R3HDM1: variants seen among roughly 807,000 people sequenced by gnomAD.
The protein encoded by R3HDM1 is R3H domain-containing protein 1.
Under a neutral mutation model 141.1 loss-of-function variants are expected in R3HDM1, and 46 were observed. The ratio of observed to expected loss-of-function variants is 0.33; its 90% CI spans 0.26 to 0.42. The LOEUF is 0.42. R3HDM1 is among the 10% of genes least tolerant of loss of function. The probability of loss-of-function intolerance (pLI) is 1.00; values close to 1 mark genes in which losing one functional copy is unlikely to be tolerated. For synonymous variants in R3HDM1, 435 were observed against 472.9 expected (o/e 0.92, Z 1.04); for missense variants, 1,184 against 1,368.3 (o/e 0.87, Z 2.12).
chr2:135,628,093 C>T (rs1251573080), intron 7 of R3HDM1, among the ~76,000 whole-genome samples: 1 of 152,142 alleles, frequency 6.6e-6, no homozygotes, highest in Admixed American at 6.5e-5. Context: ...GGTTTTGGCT[C>T]ACCTGCTAAA....
intron 21 of R3HDM1, among the ~76,000 whole-genome samples, chr2:135,704,919 C>G (rs2074706020): frequency 6.6e-6 from 1 of 152,122 alleles, no homozygotes; most frequent in Non-Finnish European, 1.5e-5. Context: ...TATTGCAGAA[C>G]ATTTAGGTCG....
At chr2:135,654,189 A>G (rs1261864145) in intron 18 of R3HDM1, among the ~76,000 whole-genome samples, 33 of 152,002 alleles carry the variant, frequency 2.2e-4, no homozygotes, top group Admixed American at 2.2e-3. Flanking sequence ...GGTTTTACCT[A>G]TTCTGAATAC....
intron 20 of R3HDM1, among the ~76,000 whole-genome samples, chr2:135,679,964 C>T (rs903813501): frequency 6.6e-6 from 1 of 152,146 alleles, no homozygotes; most frequent in Non-Finnish European, 1.5e-5. Flanking sequence ...CCTGTAGTCC[C>T]AGCTACTCAG....
intron 1 of R3HDM1, among the ~76,000 whole-genome samples, chr2:135,584,817 G>C (rs780439205): frequency 3.8e-4 from 58 of 152,214 alleles, no homozygotes; most frequent in Admixed American, 1.8e-3. Context: ...TTTTGCTACA[G>C]TGTAAGTGGG....
chr2:135,569,728 TGTTG>T (rs1222610575), intron 1 of R3HDM1, among the ~76,000 whole-genome samples: 31 of 137,924 alleles, frequency 2.2e-4, no homozygotes, highest in South Asian at 5.0e-4. Context: ...CTTTTTTTTT[TGTTG>T]TTGTTTTTTT....
At chr2:135,532,201 A>G (rs760707826) in intron 1 of R3HDM1, among the ~76,000 whole-genome samples, 1 of 152,252 alleles carries the variant, frequency 6.6e-6, no homozygotes, top group Non-Finnish European at 1.5e-5. Flanking sequence ...GGTAAAATGT[A>G]GGTACATTTT....
intron 1 of R3HDM1, among the ~76,000 whole-genome samples, chr2:135,532,336 A>G (rs1287815122): frequency 2.0e-5 from 3 of 152,222 alleles, no homozygotes; most frequent in African/African-American, 7.2e-5. Flanking sequence ...CTGCCAACAA[A>G]TCTTTGTGGG....
At chr2:135,679,066 CTTT>C (rs141175748) in intron 20 of R3HDM1, among the ~76,000 whole-genome samples, 21,632 of 70,988 alleles carry the variant, frequency 0.3, 3,034 homozygotes, top group East Asian at 0.64. Flanking sequence ...GCCCGGCTTT[CTTT>C]TTTTTTTTTT....
chr2:135,586,306 C>G (rs929096711), intron 1 of R3HDM1: 1 of 152,588 alleles, frequency 6.6e-6, no homozygotes, highest in South Asian at 2.1e-4. Flanking sequence ...TCACAACATA[C>G]AGCTGTTGAC....
Position 135,548,734 on chromosome 2 carries a change from T to C in R3HDM1, c.-250+17101T>C, listed in dbSNP as rs543557491. On this transcript the variant is annotated intron_variant, in intron 1 of 26. Coordinates refer to ENST00000683871, the MANE Select transcript of R3HDM1 (RefSeq NM_001378107.1). ...ACATGTTTTTCAGATTTATCCATTT[T>C]TGCACATATGAATATCCTTTTTATT... is the stretch of plus-strand genomic sequence containing the variant. Among the ~76,000 whole-genome samples the C allele has an allele frequency of 3.9e-5, 6 of 152,374 alleles. No individual in the cohort carries two copies. In the South Asian group the frequency reaches 1.2e-3, roughly 32 times the overall value.
At chr2:135,620,418 G>A (rs1417493953) in intron 5 of R3HDM1, 2 of 880,564 alleles carry the variant, frequency 2.3e-6, no homozygotes, top group Non-Finnish European at 2.7e-6. Flanking sequence ...GAAGTTGCCA[G>A]TGTCTTTGGT....
intron 16 of R3HDM1, among the ~76,000 whole-genome samples, chr2:135,648,307 C>T (rs1024187134): frequency 6.6e-6 from 1 of 151,604 alleles, no homozygotes; most frequent in Non-Finnish European, 1.5e-5. Context: ...TTTTAGAAAC[C>T]GTTGTGTTGA....
At chr2:135,603,757 C>A (rs2059818007) in intron 2 of R3HDM1, among the ~76,000 whole-genome samples, 1 of 152,164 alleles carries the variant, frequency 6.6e-6, no homozygotes, top group Non-Finnish European at 1.5e-5. Context: ...TAGGCATGCA[C>A]CACCATGCCT....
At chr2:135,556,894 T>C (rs1237032794) in intron 1 of R3HDM1, among the ~76,000 whole-genome samples, 1 of 152,222 alleles carries the variant, frequency 6.6e-6, no homozygotes, top group African/African-American at 2.4e-5. Flanking sequence ...TCTGCTTAGA[T>C]TCTCTAGGTC....
At chr2:135,619,681 T>C (rs2105171438) in intron 5 of R3HDM1, 2 of 900,906 alleles carry the variant, frequency 2.2e-6, no homozygotes, top group South Asian at 5.1e-5. Context: ...TTATTTCTCA[T>C]GAAAGGTACT....
chr2:135,547,542 C>CT (rs1698957934), intron 1 of R3HDM1, among the ~76,000 whole-genome samples: 1 of 148,224 alleles, frequency 6.7e-6, no homozygotes, highest in South Asian at 2.1e-4. Flanking sequence ...ATTATCCAGT[C>CT]TGTGTTTCCA....
chr2:135,672,229 TTTTTCTC>T (rs370585653), intron 19 of R3HDM1, among the ~76,000 whole-genome samples: 34 of 152,340 alleles, frequency 2.2e-4, no homozygotes, highest in African/African-American at 8.2e-4. Flanking sequence ...ATATTAGTGT[TTTTTCTC>T]CTTTCACAGT....
At chr2:135,707,981 T>C (rs1365568771) in intron 21 of R3HDM1, among the ~76,000 whole-genome samples, 1 of 152,208 alleles carries the variant, frequency 6.6e-6, no homozygotes, top group Non-Finnish European at 1.5e-5. Context: ...AAAGACAGAA[T>C]TAACTTTTTA....
At chr2:135,709,980 T>C in intron 22 of R3HDM1, 79 bp from the exon 23 acceptor site, 4 of 1,378,396 alleles carry the variant, frequency 2.9e-6, no homozygotes, top group Non-Finnish European at 4.0e-6. Context: ...GTAAAATTAC[T>C]ACTGTTATCC....
Sources: allele counts gnomAD v4.1 joint callset (sites outside exome capture counted in the v4.1 genomes callset), GRCh38; gene constraint gnomAD v4.1.1; transcripts MANE v1.5; gene names NCBI Gene and HGNC (gene_info 2026-07-23, HGNC 2026-07-21).